Variants in TNKS observed in about 807,000 individuals in gnomAD.
TNKS encodes tankyrase.
A neutral mutation model predicts 135.8 loss-of-function variants in TNKS; 72 were observed. The observed-to-expected ratio is 0.53, with a 90% CI of 0.44 to 0.64. The LOEUF is 0.64. Among genes scored for constraint, TNKS ranks in the 30% least tolerant of loss-of-function variants. TNKS has a pLI of 0.00. For missense variants in TNKS, 1,769 were observed against 1,674.0 expected (o/e 1.06, Z -0.99); for synonymous variants, 849 against 649.3 (o/e 1.31, Z -4.68).
intron 12 of TNKS, among the ~76,000 whole-genome samples, chr8:9,721,621 G>A (rs942842871): frequency 6.7e-6 from 1 of 148,924 alleles, no homozygotes; most frequent in African/African-American, 2.4e-5. Context: ...CTACAGTCTG[G>A]TAGTTCTTAA....
At chr8:9,712,120 G>T (rs1032424505) in intron 11 of TNKS, among the ~76,000 whole-genome samples, 1 of 152,116 alleles carries the variant, frequency 6.6e-6, no homozygotes, top group Non-Finnish European at 1.5e-5. Flanking sequence ...TTATTTCATT[G>T]GCTCCATGAA....
At chr8:9,706,608 GT>G (rs1317540639) in intron 7 of TNKS, among the ~76,000 whole-genome samples, 4 of 152,108 alleles carry the variant, frequency 2.6e-5, no homozygotes, top group Non-Finnish European at 5.9e-5. Context: ...AATAAAATAC[GT>G]TTTTAAACAT....
chr8:9,677,501 A>G (rs1224177203), intron 3 of TNKS, among the ~76,000 whole-genome samples: 3 of 152,160 alleles, frequency 2.0e-5, no homozygotes, highest in Non-Finnish European at 4.4e-5. Context: ...AAATTTCAAT[A>G]GTAGCTACTT....
chr8:9,656,108 G>A (rs1053408603), intron 3 of TNKS, among the ~76,000 whole-genome samples: 3 of 152,204 alleles, frequency 2.0e-5, no homozygotes, highest in African/African-American at 7.2e-5. Flanking sequence ...ACAAGCCTCA[G>A]TAGCCAATGC....
intron 5 of TNKS, among the ~76,000 whole-genome samples, chr8:9,681,604 A>G (rs1802785600): frequency 6.6e-6 from 1 of 152,126 alleles, no homozygotes; most frequent in Non-Finnish European, 1.5e-5. Flanking sequence ...ATTTTTAAAG[A>G]CACATTACAA....
At chr8:9,742,862 G>A (rs1362578537) in intron 17 of TNKS, among the ~76,000 whole-genome samples, 2 of 150,996 alleles carry the variant, frequency 1.3e-5, no homozygotes, top group Non-Finnish European at 3.0e-5. Context: ...ATATATTTAA[G>A]GAGTACTAAT....
chr8:9,647,724 A>G (rs1453957297), intron 3 of TNKS, among the ~76,000 whole-genome samples: 2 of 152,122 alleles, frequency 1.3e-5, no homozygotes, highest in African/African-American at 2.4e-5. Flanking sequence ...TATATTCATT[A>G]TATTTCTGGG....
Position 9,565,010 on chromosome 8 carries a change from T to TAA in TNKS, c.673+8409_673+8410dup, listed in dbSNP as rs35779371. 2.0e-4 allele frequency among the ~76,000 whole-genome samples: 29 copies of TAA among 147,264 alleles called. No homozygotes were observed. The East Asian group carries it at 2.4e-3, about 12-fold the overall frequency. ...AGCTCAGGATAACCCCGGGGCTCAT[T>TAA]AAAAAAAAAAAATCACTTTGATTTC... On this transcript the variant is annotated intron_variant, in intron 1 of 26. Coordinates refer to ENST00000310430, the MANE Select transcript of TNKS (RefSeq NM_003747.3).
At chr8:9,740,836 T>TG (rs1297722279) in intron 17 of TNKS, 2 of 143,350 alleles carry the variant, frequency 1.4e-5, no homozygotes, top group Non-Finnish European at 3.1e-5. Context: ...GTTTTTTTTT[T>TG]TTTTTTTTTT....
chr8:9,722,939 G>T (rs1278747110), intron 12 of TNKS, among the ~76,000 whole-genome samples: 1 of 102,056 alleles, frequency 9.8e-6, no homozygotes, highest in Non-Finnish European at 2.2e-5. Flanking sequence ...TATGAGTTCT[G>T]GCAAAAGATA....
chr8:9,632,532 A>G (rs866121703), intron 3 of TNKS, among the ~76,000 whole-genome samples: 16 of 152,152 alleles, frequency 1.1e-4, no homozygotes, highest in South Asian at 4.2e-4. Context: ...GACCTTTCCC[A>G]TCAATACTAG....
At chr8:9,732,034 C>T (rs950138766) in intron 14 of TNKS, among the ~76,000 whole-genome samples, 3 of 152,220 alleles carry the variant, frequency 2.0e-5, no homozygotes, top group East Asian at 3.9e-4. Flanking sequence ...TGGATCCACC[C>T]GCCTCGGCCT....
At chr8:9,679,476 G>T (rs1235833364) in intron 3 of TNKS, among the ~76,000 whole-genome samples, 1 of 148,454 alleles carries the variant, frequency 6.7e-6, no homozygotes, top group Non-Finnish European at 1.5e-5. Flanking sequence ...AGTAATTAAT[G>T]TTTTTTTTTT....
intron 14 of TNKS, among the ~76,000 whole-genome samples, chr8:9,732,031 A>G (rs1585389593): frequency 6.6e-6 from 1 of 151,250 alleles, no homozygotes; most frequent in Admixed American, 6.6e-5. Context: ...TCATGGATCC[A>G]CCCGCCTCGG....
intron 12 of TNKS, among the ~76,000 whole-genome samples, chr8:9,721,087 T>C (rs1804855994): frequency 6.6e-6 from 1 of 151,748 alleles, no homozygotes; most frequent in Non-Finnish European, 1.5e-5. Flanking sequence ...CGAGACCATC[T>C]TGGCCAACAT....
chr8:9,649,878 C>CTTTTTTTTTTTTTTTTTT (rs71201959), intron 3 of TNKS, among the ~76,000 whole-genome samples: 18 of 83,364 alleles, frequency 2.2e-4, no homozygotes, highest in African/African-American at 7.5e-4. Flanking sequence ...CTTTTCTTTT[C>CTTTTTTTTTTTTTTTTTT]TTTTTTTTTT....
intron 1 of TNKS, among the ~76,000 whole-genome samples, chr8:9,569,626 G>T (rs900711306): frequency 1.3e-5 from 2 of 152,186 alleles, no homozygotes; most frequent in Non-Finnish European, 2.9e-5. Context: ...TATGAATAGT[G>T]CTGCTATGAA....
chr8:9,635,125 G>A (rs551087661), intron 3 of TNKS, among the ~76,000 whole-genome samples: 2 of 151,566 alleles, frequency 1.3e-5, no homozygotes, highest in South Asian at 2.1e-4. Flanking sequence ...AGCCGAGACC[G>A]CGCCACTGCA....
intron 12 of TNKS, among the ~76,000 whole-genome samples, chr8:9,726,126 C>G (rs1454821106): frequency 6.6e-6 from 1 of 152,122 alleles, no homozygotes; most frequent in Non-Finnish European, 1.5e-5. Context: ...CGCAGTGGCT[C>G]ACATCTGTAA....
Sources: allele counts gnomAD v4.1 joint callset (sites outside exome capture counted in the v4.1 genomes callset), GRCh38; gene constraint gnomAD v4.1.1; transcripts MANE v1.5; gene names NCBI Gene and HGNC (gene_info 2026-07-23, HGNC 2026-07-21).